Variants in POC1A observed in about 807,000 individuals in gnomAD.
The protein encoded by POC1A is POC1 centriolar protein homolog A.
Under a neutral mutation model 47.8 loss-of-function variants are expected in POC1A, and 34 were observed. That is an observed-to-expected ratio of 0.71 (90% confidence interval 0.54 to 0.95). POC1A has a LOEUF of 0.95. Ranked by LOEUF, POC1A falls within the 40% of genes least tolerant of loss-of-function variation. The pLI is 0.00. For missense variants in POC1A, 466 were observed against 528.3 expected (o/e 0.88, Z 1.16); for synonymous variants, 177 against 207.6 (o/e 0.85, Z 1.27).
chr3:52,134,241 A>T (rs750021525), intron 7 of POC1A, among the ~76,000 whole-genome samples: 1 of 152,230 alleles, frequency 6.6e-6, no homozygotes, highest in Non-Finnish European at 1.5e-5. Context: ...AAAAAAGAGA[A>T]TATAAATGTA....
chr3:52,142,427 G>A (rs1048765265), intron 6 of POC1A, among the ~76,000 whole-genome samples: 10 of 152,312 alleles, frequency 6.6e-5, no homozygotes, highest in East Asian at 1.9e-4. Context: ...GTCAGCCAGC[G>A]CAAGACAAAT....
At chr3:52,077,421 T>C (rs1309921152) in intron 10 of POC1A, among the ~76,000 whole-genome samples, 1 of 152,266 alleles carries the variant, frequency 6.6e-6, no homozygotes, top group Non-Finnish European at 1.5e-5. Context: ...TTAGCTGCCA[T>C]GGAGGGTGCT....
chr3:52,095,961 C>T (rs993490594), intron 10 of POC1A, among the ~76,000 whole-genome samples: 11 of 152,372 alleles, frequency 7.2e-5, no homozygotes, highest in Admixed American at 3.3e-4. Context: ...ATCTCAGTGA[C>T]GAGGGTGGTC....
chr3:52,147,968 A>C (rs956160651), intron 4 of POC1A, among the ~76,000 whole-genome samples: 1 of 146,948 alleles, frequency 6.8e-6, no homozygotes, highest in African/African-American at 2.5e-5. Flanking sequence ...AAAAGAAAAG[A>C]AAAAAAAAAA....
rs767419011 is a variant in POC1A, at chr3:52,076,437, A to G, written c.1126-452T>C. ...CAGAGGTGAGAAAATTGCACCCACA[A>G]ATGATGGCACTCCACTTGGGTCCTT... On this transcript the variant is annotated intron_variant, in intron 10 of 10. Transcript: ENST00000296484. 6.0e-4 allele frequency among the ~76,000 whole-genome samples: 92 copies of G among 152,136 alleles called. 3 individuals are homozygous for G. The highest frequency in any genetic ancestry group is 3.3e-4 in the Admixed American group (5 of 15,272).
intron 2 of POC1A, 68 bp downstream of exon 2, chr3:52,150,948 C>T (rs1698534917): frequency 7.1e-7 from 1 of 1,405,588 alleles, no homozygotes; most frequent in Non-Finnish European, 1.0e-6. Flanking sequence ...CACCCACCAC[C>T]CCTCCGAGGT....
In POC1A at chr3:52,138,273, AAG is replaced by A. The variant is rs772586602; in HGVS notation, c.707_708del (p.Ser236PhefsTer14). ...QLHSAAVNGL[S>X]FHPSGNYLIT... ...ATCAGGTAGTTTCCCGACGGGTGGA[AAG>A]AGAGCCCGTTCACTGCTGCACTGTG... On this transcript the variant is annotated frameshift_variant, in exon 7 of 11. Transcript: ENST00000296484. LOFTEE classifies it high-confidence loss of function. 2 of 1,613,828 alleles carry A rather than the reference AAG, an allele frequency of 1.2e-6. No individual in the cohort carries two copies. Among genetic ancestry groups the A allele is most frequent in the South Asian group, 1.1e-5 (1 of 91,022 alleles).
At chr3:52,114,582 G>C (rs1703495670) in intron 9 of POC1A, among the ~76,000 whole-genome samples, 1 of 152,128 alleles carries the variant, frequency 6.6e-6, no homozygotes, top group Non-Finnish European at 1.5e-5. Context: ...CTCTTTTCCA[G>C]TCAGGGGTCT....
At chr3:52,151,655 G>C (rs1698563007) in intron 1 of POC1A, among the ~76,000 whole-genome samples, 1 of 150,250 alleles carries the variant, frequency 6.7e-6, no homozygotes, top group Non-Finnish European at 1.5e-5. Flanking sequence ...AAGAAGTGCA[G>C]GACTTGTACA....
rs565929503 is a variant in POC1A, at chr3:52,149,344, C to T, written c.321G>A (p.Arg107=). The T allele has an allele frequency of 6.2e-7, 1 of 1,614,178 alleles. No homozygotes were observed. The highest frequency in any genetic ancestry group is 1.1e-5 in the South Asian group (1 of 91,088). ...GGCCATCACTGCAGAAGTGGACACT[C>T]CTCACTGTGGCTGTGTGTGCACGAA... ...TVFRAHTATV[R]SVHFCSDGQS... Residue 107 remains arginine (R), a synonymous_variant, in exon 4 of 11, where the codon AGG becomes AGA. Transcript: ENST00000296484.
intron 4 of POC1A, among the ~76,000 whole-genome samples, chr3:52,148,148 G>A (rs922902672): frequency 6.6e-6 from 1 of 152,180 alleles, no homozygotes; most frequent in African/African-American, 2.4e-5. Flanking sequence ...CAGGTCCTCC[G>A]AGTCTACATT....
chr3:52,117,459 G>C (rs1057285682), intron 9 of POC1A, among the ~76,000 whole-genome samples: 4 of 152,188 alleles, frequency 2.6e-5, no homozygotes, highest in Non-Finnish European at 5.9e-5. Flanking sequence ...CGACAGAAGA[G>C]AAAACCGTGC....
At chr3:52,128,904 A>C (rs1393598003) in intron 7 of POC1A, among the ~76,000 whole-genome samples, 1 of 152,222 alleles carries the variant, frequency 6.6e-6, no homozygotes, top group African/African-American at 2.4e-5. Context: ...TCCAGTATGC[A>C]ACATTTTCAG....
chr3:52,077,499 T>C (rs935240648), intron 10 of POC1A, among the ~76,000 whole-genome samples: 1 of 152,188 alleles, frequency 6.6e-6, no homozygotes, highest in Non-Finnish European at 1.5e-5. Flanking sequence ...CCTCTGTCAC[T>C]GGACAGAGCC....
intron 10 of POC1A, among the ~76,000 whole-genome samples, chr3:52,091,745 G>C (rs1380246358): frequency 6.6e-6 from 1 of 152,218 alleles, no homozygotes; most frequent in Non-Finnish European, 1.5e-5. Context: ...CTGCCCCAGT[G>C]CTTTCCCATA....
intron 7 of POC1A, among the ~76,000 whole-genome samples, chr3:52,129,929 T>A (rs1306910384): frequency 6.6e-6 from 1 of 151,800 alleles, no homozygotes; most frequent in Non-Finnish European, 1.5e-5. Context: ...CAGAGAAAGA[T>A]TTTTTTTTAA....
chr3:52,113,630 A>G (rs892525302), intron 9 of POC1A, among the ~76,000 whole-genome samples: 2 of 152,222 alleles, frequency 1.3e-5, no homozygotes, highest in Non-Finnish European at 2.9e-5. Flanking sequence ...TGAACTCGGG[A>G]GGCAGAGGTT....
rs557065719 is a variant in POC1A at position 52,105,965 on chromosome 3, C to T, written c.982-9253G>A. Among the ~76,000 whole-genome samples the T allele has an allele frequency of 3.3e-5, 5 of 152,134 alleles. No individual in the cohort carries two copies. In the South Asian group the frequency reaches 6.2e-4, roughly 19 times the overall value. On this transcript the variant is annotated intron_variant, in intron 9 of 10. Coordinates refer to ENST00000296484, the MANE Select transcript of POC1A (RefSeq NM_015426.5). ...ATCCCAGCACTTTGGGAGGCTGAGGCGGGCGGATCACGAGGTCAGGAGATC... is the reference window on the plus strand; with the variant it reads ...ATCCCAGCACTTTGGGAGGCTGAGGTGGGCGGATCACGAGGTCAGGAGATC...
chr3:52,152,944 G>T (rs975554629), intron 1 of POC1A, among the ~76,000 whole-genome samples: 1 of 152,170 alleles, frequency 6.6e-6, no homozygotes, highest in African/African-American at 2.4e-5. Flanking sequence ...CATATGAAAA[G>T]TTCAGAATAG....
Sources: gnomAD v4.1 joint callset for allele counts (sites outside exome capture counted in the v4.1 genomes callset) on GRCh38, gnomAD v4.1.1 for gene constraint, MANE v1.5 for transcripts, NCBI Gene and HGNC (gene_info 2026-07-23, HGNC 2026-07-21) for gene names.